DYM: variants seen among roughly 807,000 people sequenced by gnomAD.
The protein encoded by DYM is dymeclin, also known as dyggve-Melchior-Clausen syndrome protein.
In DYM, 78 loss-of-function variants were observed where a neutral mutation model predicts 93.1. The ratio of observed to expected loss-of-function variants is 0.84; its 90% CI spans 0.70 to 1.01. The LOEUF is 1.01. Among genes scored for constraint, DYM ranks in the 50% least tolerant of loss-of-function variants. The probability of loss-of-function intolerance (pLI) is 0.00; values close to 1 mark genes in which losing one functional copy is unlikely to be tolerated. For missense variants in DYM, 789 were observed against 845.0 expected, an observed-to-expected ratio of 0.93 and a Z score of 0.82; for synonymous variants, 321 against 319.7, an observed-to-expected ratio of 1.00 and a Z score of -0.04.
intron 15 of DYM, among the ~76,000 whole-genome samples, chr18:49,137,238 T>C (rs1361430169): frequency 6.6e-6 from 1 of 152,084 alleles, no homozygotes; most frequent in African/African-American, 2.4e-5. Context: ...CTGAATGAGT[T>C]AAATAACACA....
intron 15 of DYM, among the ~76,000 whole-genome samples, chr18:49,131,642 T>A (rs1231084569): frequency 6.6e-6 from 1 of 152,188 alleles, no homozygotes; most frequent in Non-Finnish European, 1.5e-5. Flanking sequence ...GGTTAGGGCT[T>A]CAACATATTA....
At position 49,272,261 on chromosome 18, in the gene DYM, T is replaced by A; in HGVS notation, c.1168A>T (p.Asn390Tyr). 1 of 1,585,570 alleles carries A rather than the reference T, an allele frequency of 6.3e-7. No homozygotes were observed. The highest frequency in any genetic ancestry group is 2.2e-5 in the East Asian group (1 of 44,614). Residue 390 changes from asparagine to tyrosine, a missense_variant, in exon 11 of 18, where the codon AAT (asparagine) becomes TAT (tyrosine). Physicochemically the swap from Asn to Tyr is moderately radical, Grantham distance 143. Transcript: ENST00000675505. ...AGGGCCATATACACATGGTGTGAATTCCTTTCTTCAACATGATACAGAATC... is the reference window on the plus strand; with the variant it reads ...AGGGCCATATACACATGGTGTGAATACCTTTCTTCAACATGATACAGAATC... Reference protein sequence around the residue: ...LEILYHVEERNSHHVYMALII... With the variant: ...LEILYHVEERYSHHVYMALII...
At chr18:49,132,256 C>G (rs1334674065) in intron 15 of DYM, among the ~76,000 whole-genome samples, 2 of 152,032 alleles carry the variant, frequency 1.3e-5, no homozygotes, top group African/African-American at 4.8e-5. Flanking sequence ...GGATATATGA[C>G]AAAATCTAAT....
At chr18:49,199,716 T>C (rs2091843646) in intron 14 of DYM, among the ~76,000 whole-genome samples, 1 of 152,238 alleles carries the variant, frequency 6.6e-6, no homozygotes, top group Non-Finnish European at 1.5e-5. Context: ...ACAGATTAAG[T>C]GAATAGCATA....
intron 15 of DYM, among the ~76,000 whole-genome samples, chr18:49,123,592 C>A (rs907374474): frequency 1.3e-4 from 20 of 152,232 alleles, no homozygotes; most frequent in Non-Finnish European, 2.9e-5. Flanking sequence ...CTCCTTCCAG[C>A]TCAGCAGGCT....
chr18:49,089,782 G>A (rs2078875974), intron 17 of DYM, among the ~76,000 whole-genome samples: 1 of 152,186 alleles, frequency 6.6e-6, no homozygotes, highest in South Asian at 2.1e-4. Flanking sequence ...TTGATGGAGG[G>A]AGAATCAATG....
intron 14 of DYM, among the ~76,000 whole-genome samples, chr18:49,205,014 G>A (rs1201921877): frequency 6.6e-6 from 1 of 152,200 alleles, no homozygotes; most frequent in Non-Finnish European, 1.5e-5. Flanking sequence ...AGGCTGGAGT[G>A]CAGTGGCGTG....
intron 2 of DYM, among the ~76,000 whole-genome samples, chr18:49,420,659 T>A (rs976384137): frequency 2.0e-5 from 3 of 152,108 alleles, no homozygotes; most frequent in African/African-American, 7.2e-5. Flanking sequence ...CTGGGGCTTG[T>A]CAGACAGTGG....
intron 15 of DYM, among the ~76,000 whole-genome samples, chr18:49,129,022 G>A (rs1020356202): frequency 6.6e-5 from 10 of 151,960 alleles, no homozygotes; most frequent in Non-Finnish European, 1.3e-4. Flanking sequence ...GACCTATGAC[G>A]CTTGATGCCC....
chr18:49,408,845 T>C (rs1162940576), intron 2 of DYM, among the ~76,000 whole-genome samples: 1 of 152,172 alleles, frequency 6.6e-6, no homozygotes, highest in Non-Finnish European at 1.5e-5. Flanking sequence ...ACGGGGCACA[T>C]AAATATTGTA....
intron 1 of DYM, among the ~76,000 whole-genome samples, chr18:49,438,239 A>T (rs1282163385): frequency 6.6e-6 from 1 of 152,202 alleles, no homozygotes; most frequent in Non-Finnish European, 1.5e-5. Flanking sequence ...AACAGTATGA[A>T]TAAAGCCTAC....
intron 13 of DYM, among the ~76,000 whole-genome samples, chr18:49,246,664 G>A (rs781386724): frequency 4.6e-5 from 7 of 152,112 alleles, no homozygotes; most frequent in Non-Finnish European, 8.8e-5. Flanking sequence ...ATCTTTAAAG[G>A]TCCTTCTAAG....
chr18:49,070,710 T>C lies in DYM; in HGVS notation c.2026-26506A>G, dbSNP rs1172255655. On this transcript the variant is annotated intron_variant, in intron 17 of 17. Transcript: ENST00000675505. ...TAAGGGACAACCACTAGCAGAGTGC[T>C]GTGCAGGCAGGAGTTGCTCAATCAA... Among the ~76,000 whole-genome samples, 4 of 152,354 alleles carry C rather than the reference T, an allele frequency of 2.6e-5. No homozygotes were observed. In the East Asian group the frequency reaches 7.7e-4, roughly 29 times the overall value.
intron 8 of DYM, among the ~76,000 whole-genome samples, chr18:49,331,160 G>GT (rs1341254978): frequency 2.0e-5 from 3 of 152,176 alleles, no homozygotes; most frequent in African/African-American, 7.2e-5. Context: ...TTTGGGAGGA[G>GT]TAAGGAACTC....
intron 15 of DYM, among the ~76,000 whole-genome samples, chr18:49,148,790 G>A (rs146685272): frequency 3.9e-5 from 6 of 152,318 alleles, no homozygotes; most frequent in African/African-American, 1.4e-4. Context: ...TTAGGGGTCT[G>A]TGAGGCTCCT....
At chr18:49,209,780 ATT>A (rs1480564607) in intron 13 of DYM, 65 bp from the exon 14 acceptor site, 1 of 1,078,746 alleles carries the variant, frequency 9.3e-7, no homozygotes, top group African/African-American at 1.7e-5. Flanking sequence ...AAAATAAATC[ATT>A]TTTTATGTCC....
intron 13 of DYM, among the ~76,000 whole-genome samples, chr18:49,254,611 G>A (rs754713686): frequency 6.6e-6 from 1 of 152,048 alleles, no homozygotes; most frequent in Non-Finnish European, 1.5e-5. Flanking sequence ...CTTGGACACA[G>A]TGTTTTTATA....
chr18:49,345,285 G>A (rs1233760694), intron 6 of DYM, among the ~76,000 whole-genome samples: 1 of 152,006 alleles, frequency 6.6e-6, no homozygotes, highest in Non-Finnish European at 1.5e-5. Context: ...CTCTTCTTCT[G>A]GTACATCCAT....
intron 14 of DYM, among the ~76,000 whole-genome samples, chr18:49,186,368 A>G (rs2090433712): frequency 6.6e-6 from 1 of 152,030 alleles, no homozygotes; most frequent in Non-Finnish European, 1.5e-5. Flanking sequence ...CTCTTTTCCA[A>G]TTCTTATGTC....
Sources: allele counts gnomAD v4.1 joint callset (sites outside exome capture counted in the v4.1 genomes callset), GRCh38; gene constraint gnomAD v4.1.1; transcripts MANE v1.5; gene names NCBI Gene and HGNC (gene_info 2026-07-23, HGNC 2026-07-21).